PPP2R2A: variants seen among roughly 807,000 people sequenced by gnomAD.
PPP2R2A encodes the protein protein phosphatase 2 regulatory subunit Balpha.
In PPP2R2A, 9 loss-of-function variants were observed where a neutral mutation model predicts 53.2. The observed-to-expected ratio is 0.17, with a 90% CI of 0.10 to 0.30. The LOEUF is 0.30. Among genes scored for constraint, PPP2R2A ranks in the 10% least tolerant of loss-of-function variants. The pLI is 1.00. For missense variants in PPP2R2A, 235 were observed against 534.6 expected (o/e 0.44, Z 5.53); for synonymous variants, 169 against 174.2 (o/e 0.97, Z 0.23).
intron 2 of PPP2R2A, among the ~76,000 whole-genome samples, chr8:26,331,806 C>G (rs964324589): frequency 1.8e-4 from 28 of 152,212 alleles, no homozygotes; most frequent in African/African-American, 6.5e-4. Flanking sequence ...TCACAAACTT[C>G]ATGATTATCT....
In PPP2R2A at chr8:26,360,529, C is replaced by CTG. The variant is rs1805025096; in HGVS notation, c.459+249_459+250dup. 1 of 318,874 alleles carries CTG rather than the reference C, an allele frequency of 3.1e-6. No homozygotes were observed. The highest frequency in any genetic ancestry group is 2.2e-5 in the African/African-American group (1 of 46,420). 19.8% of individuals were successfully genotyped at this position (318,874 alleles called of 1,614,324 possible). A position where few individuals can be genotyped will look rare whatever the true frequency, so the allele number is the denominator to read the frequency against. On this transcript the variant is annotated intron_variant, in intron 5 of 9. Coordinates refer to ENST00000380737, the MANE Select transcript of PPP2R2A (RefSeq NM_002717.4). The surrounding 1 kb of genome is among the most constrained non-coding windows in gnomAD (Gnocchi z 4.5). The stretch of plus-strand genomic sequence containing the variant: ...TATTTCACGCCATCAGACTTCATCT[C>CTG]TGGTTTGTCATGTTAGCTATCACAA...
At chr8:26,318,944 G>A (rs1488738039) in intron 2 of PPP2R2A, among the ~76,000 whole-genome samples, 3 of 152,086 alleles carry the variant, frequency 2.0e-5, no homozygotes, top group Admixed American at 6.6e-5. Flanking sequence ...TGCAGCCATC[G>A]CCACCATCCA....
chr8:26,300,799 C>T (rs1801745968), intron 2 of PPP2R2A, among the ~76,000 whole-genome samples: 1 of 151,938 alleles, frequency 6.6e-6, no homozygotes, highest in Non-Finnish European at 1.5e-5. Flanking sequence ...TGCAGTGAGC[C>T]GAGATCGTGC....
At chr8:26,293,017 G>T in intron 1 of PPP2R2A, 1 of 435,080 alleles carries the variant, frequency 2.3e-6, no homozygotes, top group Non-Finnish European at 4.0e-6. Flanking sequence ...GATGACATTA[G>T]CAAAATGAAT....
chr8:26,353,256 T>C lies in PPP2R2A; in HGVS notation c.181-1212T>C, dbSNP rs575929728. Reference sequence around the variant, plus strand: ...GTGTATCCCCGATATGTGGATCGTTTTGTGGGACATGTATTCTTAACATTG... The same window carrying C: ...GTGTATCCCCGATATGTGGATCGTTCTGTGGGACATGTATTCTTAACATTG... On this transcript the variant is annotated intron_variant, in intron 3 of 9. Coordinates refer to ENST00000380737, the MANE Select transcript of PPP2R2A (RefSeq NM_002717.4). 3.9e-5 allele frequency among the ~76,000 whole-genome samples: 6 copies of C among 152,348 alleles called. No individual in the cohort carries two copies. The East Asian group carries it at 7.7e-4, about 20-fold the overall frequency.
chr8:26,365,142 T>A (rs1805302860), intron 8 of PPP2R2A: 1 of 152,222 alleles, frequency 6.6e-6, no homozygotes, highest in South Asian at 2.1e-4. Context: ...ATCTACCTAA[T>A]TTTACCTGAT....
chr8:26,291,887 C>G, intron 1 of PPP2R2A, 61 bp downstream of exon 1: 1 of 1,597,834 alleles, frequency 6.3e-7, no homozygotes, highest in South Asian at 1.1e-5. Flanking sequence ...CTCCCTCCAT[C>G]ACCCCCTAGC....
chr8:26,329,501 A>G, intron 2 of PPP2R2A, among the ~76,000 whole-genome samples: 1 of 152,160 alleles, frequency 6.6e-6, no homozygotes, highest in Non-Finnish European at 1.5e-5. Flanking sequence ...ACCTACCTGC[A>G]TAGTACAAAA....
At chr8:26,315,910 G>C (rs1802532073) in intron 2 of PPP2R2A, among the ~76,000 whole-genome samples, 1 of 152,086 alleles carries the variant, frequency 6.6e-6, no homozygotes, top group Admixed American at 6.5e-5. Context: ...TTCATGTCTA[G>C]AACACTTGGT....
chr8:26,343,689 A>G (rs1804067167), intron 3 of PPP2R2A, among the ~76,000 whole-genome samples: 1 of 152,166 alleles, frequency 6.6e-6, no homozygotes, highest in African/African-American at 2.4e-5. Flanking sequence ...GAATGTTTAA[A>G]TTGCATAAAA....
rs145530353 is a variant in PPP2R2A at position 26,318,099 on chromosome 8, C to T, written c.83-20791C>T. 1.2e-3 allele frequency among the ~76,000 whole-genome samples: 190 copies of T among 152,136 alleles called. 1 individual carries two copies. Among genetic ancestry groups the T allele is most frequent in the Middle Eastern group, 3.4e-3 (1 of 294 alleles). ...TTTTTGGGTTCTGAGAGTGAAGGTG[C>T]CAGGATGTGCCATTACTAAAGGAGA... On this transcript the variant is annotated intron_variant, in intron 2 of 9. Transcript: ENST00000380737.
intron 2 of PPP2R2A, among the ~76,000 whole-genome samples, chr8:26,299,452 T>C (rs752805972): frequency 6.6e-6 from 1 of 152,220 alleles, no homozygotes; most frequent in Non-Finnish European, 1.5e-5. Flanking sequence ...TAAAGTCTTA[T>C]TTTATGAAAC....
intron 3 of PPP2R2A, among the ~76,000 whole-genome samples, chr8:26,346,182 C>T (rs1804207205): frequency 6.6e-6 from 1 of 151,322 alleles, no homozygotes; most frequent in Non-Finnish European, 1.5e-5. Context: ...ACTCTGTCAC[C>T]CTGGCTGGAG....
At chr8:26,293,278 T>G in intron 1 of PPP2R2A, 1 of 1,533,930 alleles carries the variant, frequency 6.5e-7, no homozygotes. Flanking sequence ...CGTTCTATGT[T>G]TCATGGTAGT....
intron 6 of PPP2R2A, among the ~76,000 whole-genome samples, chr8:26,361,411 A>G (rs1179823757): frequency 6.6e-6 from 1 of 152,188 alleles, no homozygotes; most frequent in Non-Finnish European, 1.5e-5. Context: ...TGTAAATAGG[A>G]TTATTTTTTA....
chr8:26,309,013 A>G (rs1312744899), intron 2 of PPP2R2A, among the ~76,000 whole-genome samples: 3 of 152,088 alleles, frequency 2.0e-5, no homozygotes, highest in East Asian at 3.9e-4. Flanking sequence ...GGTGTGCGCC[A>G]CTACACCTGG....
chr8:26,319,108 C>T (rs1005751982), intron 2 of PPP2R2A, among the ~76,000 whole-genome samples: 1 of 152,152 alleles, frequency 6.6e-6, no homozygotes, highest in African/African-American at 2.4e-5. Flanking sequence ...TGGAATCCTA[C>T]AGTATTTGTC....
intron 2 of PPP2R2A, among the ~76,000 whole-genome samples, chr8:26,337,219 A>G (rs1334728394): frequency 6.6e-6 from 1 of 152,196 alleles, no homozygotes; most frequent in Non-Finnish European, 1.5e-5. Flanking sequence ...GCAAGATTTC[A>G]TATTCAAATT....
intron 2 of PPP2R2A, among the ~76,000 whole-genome samples, chr8:26,327,116 G>A (rs1239878042): frequency 2.0e-5 from 3 of 152,118 alleles, no homozygotes; most frequent in Non-Finnish European, 2.9e-5. Context: ...CCTTGGAAGC[G>A]GGTGCCTGAG....
Sources: gnomAD v4.1 joint callset for allele counts (sites outside exome capture counted in the v4.1 genomes callset) on GRCh38, gnomAD v4.1.1 for gene constraint, Gnocchi (gnomAD v3.1) non-coding constraint, MANE v1.5 for transcripts, NCBI Gene and HGNC (gene_info 2026-07-23, HGNC 2026-07-21) for gene names.